RIMBP2: variants seen among roughly 807,000 people sequenced by gnomAD.
RIMBP2 encodes RIMS binding protein 2.
A neutral mutation model predicts 118.6 loss-of-function variants in RIMBP2; 48 were observed. That is an observed-to-expected ratio of 0.40 (90% CI 0.32 to 0.51). RIMBP2 has a LOEUF of 0.51. RIMBP2 is among the 20% of genes least tolerant of loss of function. The pLI, the probability that RIMBP2 is intolerant of heterozygous loss-of-function variation, is 0.41. For synonymous variants in RIMBP2, 762 were observed against 742.9 expected (o/e 1.03, Z -0.42); for missense variants, 1,551 against 1,768.3 (o/e 0.88, Z 2.20).
chr12:130,634,028 G>C (rs754802082), intron 1 of RIMBP2, among the ~76,000 whole-genome samples: 1 of 152,210 alleles, frequency 6.6e-6, no homozygotes, highest in African/African-American at 2.4e-5. Flanking sequence ...AATGGGAGCC[G>C]TTGGCACACA....
intron 2 of RIMBP2, among the ~76,000 whole-genome samples, chr12:130,589,355 TAAAAAAG>T (rs966502957): frequency 1.5e-5 from 2 of 130,210 alleles, no homozygotes; most frequent in African/African-American, 5.0e-5. Context: ...AAAGACTCTT[TAAAAAAG>T]AAAAAAGAAA....
In RIMBP2 at chr12:130,604,874, G is replaced by A. The variant is rs573517695; in HGVS notation, c.-217+23448C>T. On this transcript the variant is annotated intron_variant, in intron 2 of 22. Transcript: ENST00000690449. ...TGGGATTACAGGCGTGAGCCACCGCGCCCGGCCTCTTTCTCTTATCTTTTA... is the reference window on the plus strand; with the variant it reads ...TGGGATTACAGGCGTGAGCCACCGCACCCGGCCTCTTTCTCTTATCTTTTA... 5.3e-5 allele frequency among the ~76,000 whole-genome samples: 8 copies of A among 151,270 alleles called. No homozygotes were observed. The East Asian group carries it at 1.2e-3, about 22-fold the overall frequency.
In RIMBP2 at chr12:130,397,029, G is replaced by T; in HGVS notation, c.*332C>A. Reference sequence around the variant, plus strand: ...GAAAGGTTGAAAATCATTCCTTTAAGGGCAGATGACAAATGCACAAAGACT... The same window carrying T: ...GAAAGGTTGAAAATCATTCCTTTAATGGCAGATGACAAATGCACAAAGACT... On this transcript the variant is annotated 3_prime_UTR_variant, in exon 23 of 23. Coordinates refer to ENST00000690449, the MANE Select transcript of RIMBP2 (RefSeq NM_001393629.1). 5.5e-6 allele frequency: 1 copy of T among 180,220 alleles called. No homozygotes were observed. Among genetic ancestry groups the T allele is most frequent in the Non-Finnish European group, 1.2e-5 (1 of 86,844 alleles). 11.2% of individuals were successfully genotyped at this position (180,220 alleles called of 1,614,324 possible). A position where few individuals can be genotyped will look rare whatever the true frequency, so the allele number is the denominator to read the frequency against.
At chr12:130,520,006 C>T (rs1010231031) in intron 2 of RIMBP2, among the ~76,000 whole-genome samples, 10 of 152,210 alleles carry the variant, frequency 6.6e-5, no homozygotes, top group Non-Finnish European at 1.3e-4. Flanking sequence ...GCCTCTTCCA[C>T]GTTCTGCCAC....
rs75124466 is a variant in RIMBP2 at position 130,614,668 on chromosome 12, G to A, written c.-217+13654C>T. ...GCAGTGACGGGGCAAAGAAAAAAGG[G>A]GAAATCTTGCAGGTCTGCAGAGGAA... On this transcript the variant is annotated intron_variant, in intron 2 of 22. Transcript: ENST00000690449. Among the ~76,000 whole-genome samples the A allele has an allele frequency of 6.9e-3, 1,052 of 152,162 alleles. 8 individuals carry two copies. Among genetic ancestry groups the A allele is most frequent in the African/African-American group, 0.024 (983 of 41,502 alleles).
At chr12:130,537,338 T>C (rs2054168035) in intron 2 of RIMBP2, among the ~76,000 whole-genome samples, 1 of 152,254 alleles carries the variant, frequency 6.6e-6, no homozygotes, top group African/African-American at 2.4e-5. Context: ...GACTGAAATT[T>C]ATTTTCATGA....
At chr12:130,531,359 A>G (rs1242254670) in intron 2 of RIMBP2, among the ~76,000 whole-genome samples, 1 of 152,180 alleles carries the variant, frequency 6.6e-6, no homozygotes, top group Non-Finnish European at 1.5e-5. Flanking sequence ...CCCAAAAGGT[A>G]ACCACTGTTC....
intron 11 of RIMBP2, among the ~76,000 whole-genome samples, chr12:130,441,411 A>AATCATAATC (rs377315863): frequency 9.6e-5 from 11 of 114,192 alleles, no homozygotes; most frequent in South Asian, 2.5e-4. Flanking sequence ...AAATAATAAT[A>AATCATAATC]ATAATAATAA....
At chr12:130,572,579 CA>C (rs1307900639) in intron 2 of RIMBP2, among the ~76,000 whole-genome samples, 4 of 152,004 alleles carry the variant, frequency 2.6e-5, no homozygotes, top group African/African-American at 4.8e-5. Context: ...AGAAAGCTGA[CA>C]GGGGCAGGGA....
intron 2 of RIMBP2, among the ~76,000 whole-genome samples, chr12:130,545,658 G>C (rs1196136613): frequency 6.6e-6 from 1 of 152,146 alleles, no homozygotes; most frequent in Non-Finnish European, 1.5e-5. Flanking sequence ...CATGACCGAG[G>C]AACGAGCCCA....
In RIMBP2 at chr12:130,482,819, G is replaced by T. The variant is rs373395206; in HGVS notation, c.-3-3803C>A. Among the ~76,000 whole-genome samples the T allele has an allele frequency of 9.6e-5, 14 of 146,076 alleles. No homozygotes were observed. In the East Asian group the frequency reaches 2.5e-3, roughly 27 times the overall value. The stretch of plus-strand genomic sequence containing the variant: ...CAATACACCCATTGTGTGTGTACAT[G>T]TGTCAGATTCTGCAGGGGAGGGGGC... On this transcript the variant is annotated intron_variant, in intron 4 of 22. Coordinates refer to ENST00000690449, the MANE Select transcript of RIMBP2 (RefSeq NM_001393629.1).
At chr12:130,610,099 GA>G (rs1566360947) in intron 2 of RIMBP2, among the ~76,000 whole-genome samples, 3 of 150,764 alleles carry the variant, frequency 2.0e-5, no homozygotes. Flanking sequence ...ATCACGGGGG[GA>G]AAATGGGAAG....
Position 130,424,150 on chromosome 12 carries a change from C to A in RIMBP2, c.3121G>T (p.Gly1041Cys). 1 of 1,231,534 alleles carries A rather than the reference C, an allele frequency of 8.1e-7. No homozygotes were observed. The highest frequency in any genetic ancestry group is 1.0e-6 in the Non-Finnish European group (1 of 987,430). The allele number at this position is 1,231,534 out of a possible 1,614,324, so 76.3% of individuals were successfully genotyped here. Residue 1041 changes from glycine (G) to cysteine (C), a missense_variant, in exon 16 of 23, where the codon GGC becomes TGC. Around this residue, in one of 5 missense-constraint regions of RIMBP2, gnomAD observed 1,038 missense variants for 1,125.1 expected, o/e 0.92. Coordinates refer to ENST00000690449, the MANE Select transcript of RIMBP2 (RefSeq NM_001393629.1). This position sits in a 1 kb window ranked among gnomAD's most constrained non-coding sequence, Gnocchi z 9.8. ...AAGTTTAGGTCACACACCAGGGGGC[C>A]TTGTGCGACTCTGGGAGGTGGCTTT... The part of the protein sequence containing the change: ...HAKPPPRVAQ[G>C]PLILGNPASA...
chr12:130,434,238 C>G lies in RIMBP2; in HGVS notation c.2253+496G>C, dbSNP rs1172921274. Among the ~76,000 whole-genome samples the G allele has an allele frequency of 2.0e-5, 3 of 152,162 alleles. No homozygotes were observed. Among genetic ancestry groups the G allele is most frequent in the Admixed American group, 6.5e-5 (1 of 15,282 alleles). ...GCATTTCCATTAGAATATGCACGAT[C>G]GGAAATTAGACAGAAACCCCAAACT... is the stretch of plus-strand genomic sequence containing the variant. On this transcript the variant is annotated intron_variant, in intron 14 of 22. Coordinates refer to ENST00000690449, the MANE Select transcript of RIMBP2 (RefSeq NM_001393629.1). The surrounding 1 kb of genome is among the most constrained non-coding windows in gnomAD (Gnocchi z 5.7).
chr12:130,604,577 C>CTTT (rs869251548), intron 2 of RIMBP2, among the ~76,000 whole-genome samples: 1 of 68,160 alleles, frequency 1.5e-5, no homozygotes, highest in Admixed American at 1.8e-4. Context: ...ACAGATGCCC[C>CTTT]TTTTCTTTCT....
At chr12:130,696,746 TAA>T (rs1206670281) in intron 1 of RIMBP2, among the ~76,000 whole-genome samples, 2 of 152,166 alleles carry the variant, frequency 1.3e-5, no homozygotes, top group Non-Finnish European at 2.9e-5. Flanking sequence ...TAAAAGGAAA[TAA>T]GTGTGCTATT....
intron 2 of RIMBP2, among the ~76,000 whole-genome samples, chr12:130,604,154 C>A (rs7961161): frequency 0.68 from 103,490 of 151,352 alleles, 35,494 homozygotes; most frequent in South Asian, 0.81. Flanking sequence ...ACATTTTAAA[C>A]GGTGTTAAAA....
intron 2 of RIMBP2, among the ~76,000 whole-genome samples, chr12:130,519,419 G>A (rs886159320): frequency 3.9e-5 from 6 of 152,166 alleles, no homozygotes; most frequent in Non-Finnish European, 7.3e-5. Flanking sequence ...GCTTTGTTCC[G>A]GGAAACAATG....
intron 1 of RIMBP2, among the ~76,000 whole-genome samples, chr12:130,706,936 T>C (rs1397655240): frequency 6.6e-6 from 1 of 152,192 alleles, no homozygotes; most frequent in East Asian, 1.9e-4. Context: ...CTTGTGCCTC[T>C]GCTGAGAGAC....
Sources: gnomAD v4.1 joint callset for allele counts (sites outside exome capture counted in the v4.1 genomes callset) on GRCh38, gnomAD v4.1.1 for gene constraint, gnomAD v4.1.1 regional missense constraint, Gnocchi (gnomAD v3.1) non-coding constraint, MANE v1.5 for transcripts, NCBI Gene and HGNC (gene_info 2026-07-23, HGNC 2026-07-21) for gene names.